TAFA4: variants seen among roughly 807,000 people sequenced by gnomAD.
TAFA4 encodes TAFA chemokine like family member 4.
Under a neutral mutation model 21.1 loss-of-function variants are expected in TAFA4, and 20 were observed. The observed-to-expected ratio is 0.95, with a 90% CI of 0.67 to 1.38. The LOEUF (loss-of-function observed/expected upper bound fraction) is 1.38, where lower values mean the gene tolerates loss of function less well. Among genes scored for constraint, TAFA4 ranks in the 40% most tolerant of loss-of-function variants. The pLI, the probability that TAFA4 is intolerant of heterozygous loss-of-function variation, is 0.00. For missense variants in TAFA4, 211 were observed against 180.9 expected, an observed-to-expected ratio of 1.17 and a Z score of -0.95; for synonymous variants, 71 against 67.4, an observed-to-expected ratio of 1.05 and a Z score of -0.26.
chr3:68,799,414 G>A (rs1035073320), intron 3 of TAFA4, among the ~76,000 whole-genome samples: 19 of 151,980 alleles, frequency 1.3e-4, no homozygotes, highest in Admixed American at 9.8e-4. Context: ...CCTCATGACC[G>A]AATCACCTCC....
chr3:68,905,288 GC>G (rs1308849444), intron 1 of TAFA4, among the ~76,000 whole-genome samples: 3 of 150,476 alleles, frequency 2.0e-5, no homozygotes, highest in African/African-American at 7.3e-5. Flanking sequence ...TCCTGCCTCA[GC>G]TTCCCAAGTA....
At chr3:68,848,284 G>A (rs904902567) in intron 3 of TAFA4, among the ~76,000 whole-genome samples, 1 of 152,132 alleles carries the variant, frequency 6.6e-6, no homozygotes, top group Non-Finnish European at 1.5e-5. Flanking sequence ...ATTTCCTGAT[G>A]TCCTACCTCA....
At chr3:68,761,691 A>T (rs1403814094) in intron 3 of TAFA4, among the ~76,000 whole-genome samples, 1 of 152,204 alleles carries the variant, frequency 6.6e-6, no homozygotes, top group Non-Finnish European at 1.5e-5. Context: ...TTAATGTGAC[A>T]TATATTTTAA....
intron 1 of TAFA4, among the ~76,000 whole-genome samples, chr3:68,894,312 C>T (rs2089762253): frequency 6.6e-6 from 1 of 152,078 alleles, no homozygotes. Context: ...GCACGCATCC[C>T]CATGCCTGGC....
At chr3:68,842,012 T>G (rs937335853) in intron 3 of TAFA4, among the ~76,000 whole-genome samples, 1 of 152,196 alleles carries the variant, frequency 6.6e-6, no homozygotes, top group African/African-American at 2.4e-5. Flanking sequence ...AACATACGTG[T>G]GCATGTGTCC....
At chr3:68,808,580 A>C (rs1337750855) in intron 3 of TAFA4, among the ~76,000 whole-genome samples, 2 of 152,122 alleles carry the variant, frequency 1.3e-5, no homozygotes, top group Non-Finnish European at 2.9e-5. Context: ...CATACCTTTG[A>C]CTTCTCTGAT....
chr3:68,817,767 T>G (rs1352680835), intron 3 of TAFA4, among the ~76,000 whole-genome samples: 1 of 152,172 alleles, frequency 6.6e-6, no homozygotes, highest in Non-Finnish European at 1.5e-5. Flanking sequence ...ATCTCTTTTT[T>G]TTCTGGGCAG....
chr3:68,784,250 G>A (rs1378022849), intron 3 of TAFA4, among the ~76,000 whole-genome samples: 1 of 152,210 alleles, frequency 6.6e-6, no homozygotes, highest in Non-Finnish European at 1.5e-5. Context: ...TGGCTATATT[G>A]TGAAAATATT....
At chr3:68,878,294 A>G (rs2089577206) in intron 3 of TAFA4, among the ~76,000 whole-genome samples, 1 of 152,344 alleles carries the variant, frequency 6.6e-6, no homozygotes, top group Middle Eastern at 3.4e-3. Context: ...TCAGAAAACT[A>G]GCTATGACTC....
intron 3 of TAFA4, among the ~76,000 whole-genome samples, chr3:68,785,322 G>A (rs532935364): frequency 1.3e-5 from 2 of 152,360 alleles, no homozygotes; most frequent in East Asian, 1.9e-4. Context: ...ACACTCCTCA[G>A]CCCTTGGGTG....
chr3:68,858,767 G>C (rs1366321837), intron 3 of TAFA4, among the ~76,000 whole-genome samples: 1 of 151,994 alleles, frequency 6.6e-6, no homozygotes, highest in African/African-American at 2.4e-5. Flanking sequence ...ACCAGCACTT[G>C]ATCCCTGGCT....
chr3:68,887,726 G>A (rs2089687340), intron 1 of TAFA4, among the ~76,000 whole-genome samples: 1 of 152,072 alleles, frequency 6.6e-6, no homozygotes, highest in Admixed American at 6.5e-5. Flanking sequence ...ATTGGAATTT[G>A]GGGAGAATTC....
chr3:68,734,501 T>C (rs955631417), intron 5 of TAFA4, among the ~76,000 whole-genome samples: 4 of 152,088 alleles, frequency 2.6e-5, no homozygotes, highest in African/African-American at 9.7e-5. Context: ...GCAAGGACTT[T>C]GGCCTTTTTC....
chr3:68,850,413 A>G (rs1009948967), intron 3 of TAFA4, among the ~76,000 whole-genome samples: 1 of 152,172 alleles, frequency 6.6e-6, no homozygotes, highest in Non-Finnish European at 1.5e-5. Context: ...GTAAAATAAA[A>G]ACATGAAAAT....
intron 4 of TAFA4, among the ~76,000 whole-genome samples, chr3:68,749,156 G>A (rs1702515136): frequency 6.6e-6 from 1 of 152,114 alleles, no homozygotes; most frequent in Admixed American, 6.6e-5. Context: ...ACTCAGGGGA[G>A]GTTTCGTAAG....
chr3:68,867,742 C>A (rs571563637), intron 3 of TAFA4, among the ~76,000 whole-genome samples: 1 of 152,112 alleles, frequency 6.6e-6, no homozygotes, highest in African/African-American at 2.4e-5. Context: ...TGTTTCTTTT[C>A]TTTGTAATCA....
chr3:68,828,383 C>A (rs1325391320), intron 3 of TAFA4, among the ~76,000 whole-genome samples: 1 of 152,094 alleles, frequency 6.6e-6, no homozygotes, highest in Non-Finnish European at 1.5e-5. Flanking sequence ...TCCATGTGAA[C>A]TTTAAAGTAG....
At chr3:68,836,774 T>G (rs1463026238) in intron 3 of TAFA4, among the ~76,000 whole-genome samples, 7 of 150,418 alleles carry the variant, frequency 4.7e-5, no homozygotes, top group African/African-American at 1.8e-4. Flanking sequence ...ACACTCAGAT[T>G]GGAGTCCAGG....
intron 1 of TAFA4, among the ~76,000 whole-genome samples, chr3:68,895,276 G>T (rs747133039): frequency 5.9e-5 from 9 of 152,306 alleles, no homozygotes; most frequent in Middle Eastern, 3.4e-3. Flanking sequence ...GGGATTACAG[G>T]CGTCAGCCAC....
Sources: gnomAD v4.1 joint callset for allele counts (sites outside exome capture counted in the v4.1 genomes callset) on GRCh38, gnomAD v4.1.1 for gene constraint, MANE v1.5 for transcripts, NCBI Gene and HGNC (gene_info 2026-07-23, HGNC 2026-07-21) for gene names.